Variants in PDE1A observed in about 807,000 individuals in gnomAD.
The protein encoded by PDE1A is dual specificity calcium/calmodulin-dependent 3',5'-cyclic nucleotide phosphodiesterase 1A.
Under a neutral mutation model 61.7 loss-of-function variants are expected in PDE1A, and 35 were observed. The ratio of observed to expected loss-of-function variants is 0.57; its 90% confidence interval spans 0.43 to 0.75. The LOEUF is 0.75. PDE1A is among the 30% of genes least tolerant of loss of function. The pLI, the probability that PDE1A is intolerant of heterozygous loss-of-function variation, is 0.00. For missense variants in PDE1A, 597 were observed against 630.6 expected, an observed-to-expected ratio of 0.95 and a Z score of 0.57; for synonymous variants, 232 against 213.2, an observed-to-expected ratio of 1.09 and a Z score of -0.77.
chr2:182,439,860 T>C (rs1202173906), intron 2 of PDE1A, among the ~76,000 whole-genome samples: 1 of 152,124 alleles, frequency 6.6e-6, no homozygotes, highest in African/African-American at 2.4e-5. Context: ...CCTGTTTACA[T>C]GACAACATTT....
At chr2:182,163,936 A>G (rs999781108), downstream of PDE1A, among the ~76,000 whole-genome samples, 15 of 152,258 alleles carry the variant, frequency 9.9e-5, no homozygotes, top group Non-Finnish European at 2.1e-4. Flanking sequence ...GTGAATCACA[A>G]TAGAGGTCTT....
the PDE1A span, among the ~76,000 whole-genome samples, chr2:182,570,737 C>A: frequency 1.3e-5 from 2 of 152,144 alleles, no homozygotes; most frequent in Non-Finnish European, 2.9e-5. Context: ...GTCCTTCAGT[C>A]ATTAATACCT....
the PDE1A span, among the ~76,000 whole-genome samples, chr2:182,575,559 G>T: frequency 6.6e-6 from 1 of 151,484 alleles, no homozygotes; most frequent in African/African-American, 2.4e-5. Context: ...AGGGGGTGAT[G>T]GTGAGTGGTG....
chr2:182,245,211 C>T (rs1008678506), intron 2 of PDE1A, among the ~76,000 whole-genome samples: 38 of 152,154 alleles, frequency 2.5e-4, no homozygotes, highest in African/African-American at 8.4e-4. Context: ...TTTAGGCTTA[C>T]AGAAAAATCG....
chr2:182,591,161 T>C, the PDE1A span, among the ~76,000 whole-genome samples: 4 of 152,202 alleles, frequency 2.6e-5, no homozygotes, highest in Non-Finnish European at 5.9e-5. Context: ...ATCATTAGGA[T>C]ACTTTGATAA....
At chr2:182,259,270 A>C (rs1039325726) in intron 2 of PDE1A, among the ~76,000 whole-genome samples, 8 of 152,186 alleles carry the variant, frequency 5.3e-5, no homozygotes, top group African/African-American at 1.7e-4. Context: ...ATTAAGGGAA[A>C]GGCACTCTTT....
downstream of PDE1A, among the ~76,000 whole-genome samples, chr2:182,163,280 G>C (rs1691484418): frequency 6.6e-6 from 1 of 152,102 alleles, no homozygotes; most frequent in African/African-American, 2.4e-5. Context: ...CTCCATACCT[G>C]TCCATAAGGC....
intron 2 of PDE1A, among the ~76,000 whole-genome samples, chr2:182,259,714 T>C (rs1692087971): frequency 6.6e-6 from 1 of 152,224 alleles, no homozygotes; most frequent in Non-Finnish European, 1.5e-5. Flanking sequence ...TGGTTCATGT[T>C]AAACAAAGAA....
intron 1 of PDE1A, among the ~76,000 whole-genome samples, chr2:182,328,757 A>G (rs1460269302): frequency 9.9e-5 from 15 of 152,222 alleles, no homozygotes. Flanking sequence ...TGGGGGAACC[A>G]CCATGAAATA....
chr2:182,161,237 T>A (rs1346003436), intron 13 of PDE1A, among the ~76,000 whole-genome samples: 1 of 152,150 alleles, frequency 6.6e-6, no homozygotes, highest in Admixed American at 6.6e-5. Context: ...GCCATGGGAC[T>A]TAAACTGCTG....
At chr2:182,398,983 G>T (rs1701853434) in intron 1 of PDE1A, among the ~76,000 whole-genome samples, 1 of 151,874 alleles carries the variant, frequency 6.6e-6, no homozygotes, top group Non-Finnish European at 1.5e-5. Context: ...TAACTATAAA[G>T]CAGGATTAAT....
chr2:182,368,241 A>C (rs1385549702), intron 1 of PDE1A, among the ~76,000 whole-genome samples: 1 of 152,036 alleles, frequency 6.6e-6, no homozygotes, highest in Non-Finnish European at 1.5e-5. Flanking sequence ...CATTATCAAC[A>C]ATTCCTTAGT....
Position 182,477,924 on chromosome 2 carries a change from T to C in PDE1A, c.101+44352A>G, listed in dbSNP as rs541703046. Among the ~76,000 whole-genome samples the C allele has an allele frequency of 1.4e-3, 218 of 151,952 alleles. 3 individuals carry two copies. The highest frequency in any genetic ancestry group is 5.0e-3 in the African/African-American group (207 of 41,502). On this transcript the variant is annotated intron_variant, in intron 2 of 14. Transcript: ENST00000410103. ...GGAGGACTGGGGGATCTTCATTCTC[T>C]AGATTCCAGGTGTGTAGGAAGAAAA...
intron 13 of PDE1A, among the ~76,000 whole-genome samples, chr2:182,152,343 T>G (rs1340340587): frequency 6.6e-6 from 1 of 152,048 alleles, no homozygotes; most frequent in Non-Finnish European, 1.5e-5. Flanking sequence ...ATAATGTAGT[T>G]TGCCTTACAT....
At chr2:182,315,363 CAG>C (rs1309658516) in intron 1 of PDE1A, among the ~76,000 whole-genome samples, 1 of 152,130 alleles carries the variant, frequency 6.6e-6, no homozygotes, top group Non-Finnish European at 1.5e-5. Flanking sequence ...GCTATTGACA[CAG>C]AGTTTCTCTC....
intron 1 of PDE1A, among the ~76,000 whole-genome samples, chr2:182,336,911 G>A (rs1476970556): frequency 6.6e-6 from 1 of 151,440 alleles, no homozygotes; most frequent in African/African-American, 2.4e-5. Context: ...AAACCACCAT[G>A]GCACACATAG....
exon 1 of PDE1A, chr2:182,522,665 C>T (rs1327935365): frequency 1.1e-5 from 13 of 1,135,684 alleles, no homozygotes; most frequent in East Asian, 4.5e-5. Context: ...TACTACTGAC[C>T]GACTGAGTAC....
At chr2:182,389,441 G>C (rs774419987) in intron 1 of PDE1A, among the ~76,000 whole-genome samples, 8 of 151,632 alleles carry the variant, frequency 5.3e-5, no homozygotes, top group Non-Finnish European at 1.0e-4. Context: ...AATGGACAAA[G>C]GGCATGAATA....
intron 13 of PDE1A, among the ~76,000 whole-genome samples, chr2:182,159,187 A>G (rs1235949960): frequency 6.6e-6 from 1 of 152,194 alleles, no homozygotes; most frequent in Admixed American, 6.5e-5. Context: ...TTTTGAGAAA[A>G]TTTAGGTTTA....
Sources: allele counts gnomAD v4.1 joint callset (sites outside exome capture counted in the v4.1 genomes callset), GRCh38; gene constraint gnomAD v4.1.1; transcripts MANE v1.5; gene names NCBI Gene and HGNC (gene_info 2026-07-23, HGNC 2026-07-21).